The following GAS7 variants were observed in gnomAD, a reference collection of about 807,000 sequenced individuals.
GAS7 encodes growth arrest-specific protein 7.
A neutral mutation model predicts 71.1 loss-of-function variants in GAS7; 28 were observed. That is an observed-to-expected ratio of 0.39 (90% confidence interval 0.29 to 0.54). The LOEUF (loss-of-function observed/expected upper bound fraction) is 0.54. GAS7 is among the 20% of genes least tolerant of loss of function. GAS7 has a pLI of 0.62. For synonymous variants in GAS7, 258 were observed against 245.8 expected (o/e 1.05, Z -0.46); for missense variants, 436 against 627.8 (o/e 0.69, Z 3.27).
At chr17:10,143,790 C>G (rs7211216) in intron 1 of GAS7, among the ~76,000 whole-genome samples, 1 of 152,122 alleles carries the variant, frequency 6.6e-6, no homozygotes, top group Admixed American at 6.5e-5. Context: ...TGCAAGAAAA[C>G]AGATTCTGTT....
intron 1 of GAS7, among the ~76,000 whole-genome samples, chr17:10,197,217 C>A (rs2074546924): frequency 1.3e-5 from 2 of 152,174 alleles, no homozygotes; most frequent in African/African-American, 4.8e-5. Context: ...TCAAAATTTG[C>A]TACTTTCTCT....
chr17:10,077,786 C>T (rs999352351), intron 1 of GAS7, among the ~76,000 whole-genome samples: 6 of 152,126 alleles, frequency 3.9e-5, no homozygotes, highest in Non-Finnish European at 7.3e-5. Flanking sequence ...CAGGAAGCTA[C>T]TGCAGGGTGT....
intron 3 of GAS7, among the ~76,000 whole-genome samples, chr17:9,975,520 CCTT>C (rs2070160682): frequency 1.3e-5 from 2 of 150,530 alleles, no homozygotes; most frequent in African/African-American, 2.5e-5. Flanking sequence ...CTCCTTCCCT[CCTT>C]CTTTCTCACC....
At chr17:10,121,808 A>C (rs1184294290) in intron 1 of GAS7, among the ~76,000 whole-genome samples, 1 of 152,086 alleles carries the variant, frequency 6.6e-6, no homozygotes, top group East Asian at 1.9e-4. Flanking sequence ...GGGCTTCCCC[A>C]GCCCCAAGCC....
chr17:10,172,223 G>A (rs929835698), intron 1 of GAS7, among the ~76,000 whole-genome samples: 1 of 152,186 alleles, frequency 6.6e-6, no homozygotes, highest in African/African-American at 2.4e-5. Flanking sequence ...AAGCCAGATA[G>A]GATGGCCTGC....
In GAS7 at chr17:9,974,693, A is replaced by C. The variant is rs2070115322; in HGVS notation, c.386-4931T>G. ...ACTTGAGAGGGCTTAGGAGGTGTCT[A>C]ATGAGAGGAGGGGACAGATATTTGG... On this transcript the variant is annotated intron_variant, in intron 3 of 13. Transcript: ENST00000432992. This position sits in a 1 kb window ranked among gnomAD's most constrained non-coding sequence, Gnocchi z 4.0. 6.6e-6 allele frequency among the ~76,000 whole-genome samples: 1 copy of C among 152,148 alleles called. No homozygotes were observed. Among genetic ancestry groups the C allele is most frequent in the Admixed American group, 6.5e-5 (1 of 15,278 alleles).
chr17:10,189,668 G>C (rs1051461595), intron 1 of GAS7, among the ~76,000 whole-genome samples: 2 of 152,324 alleles, frequency 1.3e-5, no homozygotes, highest in South Asian at 2.1e-4. Context: ...GCTGGGCACA[G>C]TGGCTCAAGC....
chr17:10,112,398 G>A (rs1258056319), intron 1 of GAS7, among the ~76,000 whole-genome samples: 1 of 152,176 alleles, frequency 6.6e-6, no homozygotes, highest in Non-Finnish European at 1.5e-5. Flanking sequence ...ATGGAGATGA[G>A]AGAGAGGAGG....
chr17:9,941,511 C>T (rs1033809078), intron 7 of GAS7, among the ~76,000 whole-genome samples: 2 of 152,180 alleles, frequency 1.3e-5, no homozygotes, highest in African/African-American at 4.8e-5. Flanking sequence ...TCAAGCCAGG[C>T]GAGCTCCCAA....
intron 9 of GAS7, 33 bp downstream of exon 9, chr17:9,934,133 G>C: frequency 7.1e-7 from 1 of 1,415,432 alleles, no homozygotes; most frequent in Non-Finnish European, 1.0e-6. Flanking sequence ...CAGTGTGTAA[G>C]ACCAACTGAG....
rs568113209 is a variant in GAS7, at chr17:10,162,305, G to A, written c.183+35903C>T. ...GAAGCTGGGCGGGCTTATTTCAGGGGGAAAAACATCACACTGAATCCTCTC... is the reference window on the plus strand; with the variant it reads ...GAAGCTGGGCGGGCTTATTTCAGGGAGAAAAACATCACACTGAATCCTCTC... On this transcript the variant is annotated intron_variant, in intron 1 of 13. Coordinates refer to ENST00000432992, the MANE Select transcript of GAS7 (RefSeq NM_201433.2). Among the ~76,000 whole-genome samples the A allele has an allele frequency of 3.9e-5, 6 of 152,238 alleles. No individual in the cohort carries two copies. The East Asian group carries it at 1.2e-3, about 29-fold the overall frequency.
chr17:10,157,970 T>C (rs1426823551), intron 1 of GAS7, among the ~76,000 whole-genome samples: 2 of 152,202 alleles, frequency 1.3e-5, no homozygotes, highest in Admixed American at 1.3e-4. Context: ...ATCGTACCAC[T>C]GCGCTCCAGC....
intron 2 of GAS7, among the ~76,000 whole-genome samples, chr17:9,997,655 C>G (rs2071100534): frequency 6.6e-6 from 1 of 152,188 alleles, no homozygotes; most frequent in East Asian, 1.9e-4. Flanking sequence ...AAGGCTCATT[C>G]CCACAAGACT....
intron 1 of GAS7, among the ~76,000 whole-genome samples, chr17:10,131,537 G>A (rs58709833): frequency 0.015 from 2,210 of 152,288 alleles, 50 homozygotes; most frequent in African/African-American, 0.05. Flanking sequence ...CACAAGAATC[G>A]CTTGAACCCG....
intron 2 of GAS7, among the ~76,000 whole-genome samples, chr17:9,993,368 T>C (rs990717845): frequency 7.2e-5 from 11 of 152,230 alleles, no homozygotes; most frequent in African/African-American, 2.7e-4. Flanking sequence ...ATGGTGAACA[T>C]TTTTTCATGT....
chr17:10,010,840 G>A (rs1471108430), intron 2 of GAS7, among the ~76,000 whole-genome samples: 1 of 152,150 alleles, frequency 6.6e-6, no homozygotes, highest in East Asian at 1.9e-4. Context: ...AAGTCAGATC[G>A]TTAAGTCCAA....
intron 1 of GAS7, 85 bp downstream of exon 1, chr17:10,198,123 C>T: frequency 3.0e-6 from 4 of 1,337,698 alleles, no homozygotes; most frequent in East Asian, 2.4e-5. Context: ...CGGGACGCTG[C>T]GGCATCCCCG....
At chr17:9,933,989 A>G (rs531714593) in intron 9 of GAS7, among the ~76,000 whole-genome samples, 177 bp downstream of exon 9, 1 of 152,350 alleles carries the variant, frequency 6.6e-6, no homozygotes, top group East Asian at 1.9e-4. Flanking sequence ...GCACCACCTC[A>G]TGGTGAGCCA....
chr17:10,097,630 G>A (rs2157698), intron 1 of GAS7, among the ~76,000 whole-genome samples: 4,306 of 152,226 alleles, frequency 0.028, 192 homozygotes, highest in African/African-American at 0.097. Flanking sequence ...CCTCAGAGCC[G>A]TAATAACCCA....
Sources: allele counts gnomAD v4.1 joint callset (sites outside exome capture counted in the v4.1 genomes callset), GRCh38; gene constraint gnomAD v4.1.1; non-coding constraint Gnocchi (gnomAD v3.1); transcripts MANE v1.5; gene names NCBI Gene and HGNC (gene_info 2026-07-23, HGNC 2026-07-21).